The following PLCB1 variants were observed in gnomAD, a reference collection of about 807,000 sequenced individuals.
The protein encoded by PLCB1 is phospholipase C beta 1.
PLCB1 carries 46 observed loss-of-function variants against 161.8 expected under a neutral mutation model. The ratio of observed to expected loss-of-function variants is 0.28; its 90% CI spans 0.22 to 0.36. The LOEUF is 0.36. Among genes scored for constraint, PLCB1 ranks in the 10% least tolerant of loss-of-function variants. PLCB1 has a pLI of 1.00. For missense variants in PLCB1, 1,016 were observed against 1,472.5 expected, an observed-to-expected ratio of 0.69 and a Z score of 5.07; for synonymous variants, 517 against 503.7, an observed-to-expected ratio of 1.03 and a Z score of -0.35.
rs1294205744 is a variant in PLCB1 at position 8,491,640 on chromosome 20, G to A, written c.246+120190G>A. Among the ~76,000 whole-genome samples, 5 of 152,222 alleles carry A rather than the reference G, an allele frequency of 3.3e-5. 1 individual carries two copies. In the South Asian group the frequency reaches 8.3e-4, roughly 25 times the overall value. On this transcript the variant is annotated intron_variant, in intron 3 of 31. Coordinates refer to ENST00000338037, the MANE Select transcript of PLCB1 (RefSeq NM_015192.4). ...TCAGTACTCAAGTGAATACTCACTG[G>A]GATCCTGTACAGATCTTCAGAGTTA...
chr20:8,320,956 AAAG>A (rs1400960498), intron 2 of PLCB1, among the ~76,000 whole-genome samples: 2 of 151,614 alleles, frequency 1.3e-5, no homozygotes, highest in Admixed American at 1.3e-4. Context: ...GAAGGAAGGA[AAAG>A]AAAGAAAGGG....
At chr20:8,851,498 C>T (rs1044591935) in intron 31 of PLCB1, among the ~76,000 whole-genome samples, 2 of 152,138 alleles carry the variant, frequency 1.3e-5, no homozygotes, top group African/African-American at 4.8e-5. Flanking sequence ...TTCGAAGTGC[C>T]TTATCCTGTA....
intron 3 of PLCB1, among the ~76,000 whole-genome samples, chr20:8,622,718 G>A (rs1242048297): frequency 6.6e-6 from 1 of 151,678 alleles, no homozygotes; most frequent in Admixed American, 6.6e-5. Context: ...ACTCCTCACT[G>A]TGCTTTCTGC....
chr20:8,407,480 G>A (rs1978835540), intron 3 of PLCB1, among the ~76,000 whole-genome samples: 2 of 152,140 alleles, frequency 1.3e-5, no homozygotes. Flanking sequence ...TTATGCAGGA[G>A]GCAAAAGGAA....
intron 2 of PLCB1, among the ~76,000 whole-genome samples, chr20:8,245,321 C>T (rs1344808217): frequency 6.6e-6 from 1 of 151,756 alleles, no homozygotes; most frequent in African/African-American, 2.4e-5. Context: ...TATGTGTACA[C>T]CCACACATAC....
At chr20:8,286,063 G>A (rs1222635856) in intron 2 of PLCB1, among the ~76,000 whole-genome samples, 1 of 152,290 alleles carries the variant, frequency 6.6e-6, no homozygotes, top group South Asian at 2.1e-4. Context: ...AGTGGCTCAT[G>A]CCTGTGATCC....
At chr20:8,442,388 G>A (rs1291282259) in intron 3 of PLCB1, among the ~76,000 whole-genome samples, 1 of 152,142 alleles carries the variant, frequency 6.6e-6, no homozygotes, top group African/African-American at 2.4e-5. Context: ...GGTGGGATGT[G>A]GGCTCAAACC....
chr20:8,815,661 C>G (rs1985052061), intron 31 of PLCB1, among the ~76,000 whole-genome samples: 2 of 152,150 alleles, frequency 1.3e-5, no homozygotes, highest in African/African-American at 4.8e-5. Context: ...TACTCCCGAC[C>G]TCAAACCCGA....
intron 2 of PLCB1, among the ~76,000 whole-genome samples, chr20:8,230,218 A>G (rs1979954808): frequency 6.6e-6 from 1 of 152,258 alleles, no homozygotes; most frequent in South Asian, 2.1e-4. Context: ...AGGACAATCT[A>G]AAGTCCAAAT....
In PLCB1 at chr20:8,735,499, T is replaced by C. The variant is rs79826699; in HGVS notation, c.2044-1529T>C. 6.5e-3 allele frequency among the ~76,000 whole-genome samples: 983 copies of C among 152,302 alleles called. 9 individuals are homozygous for C. Among genetic ancestry groups the C allele is most frequent in the African/African-American group, 0.022 (912 of 41,560 alleles). On this transcript the variant is annotated intron_variant, in intron 19 of 31. Transcript: ENST00000338037. ...AGAGCCAAGATACAGATCATAACTT[T>C]CCAATTATGCCTTTGTTTTCATCTT... is the stretch of plus-strand genomic sequence containing the variant.
Position 8,136,494 on chromosome 20 carries a change from C to T in PLCB1, c.99+3744C>T, listed in dbSNP as rs567093881. ...ACAAAAAATTAGCCGGGCGTGGTGG[C>T]GGGCGCCTGTAGTCCCAGCTGCTCG... On this transcript the variant is annotated intron_variant, in intron 1 of 31. Coordinates refer to ENST00000338037, the MANE Select transcript of PLCB1 (RefSeq NM_015192.4). 3.1e-3 allele frequency among the ~76,000 whole-genome samples: 475 copies of T among 151,972 alleles called. 2 individuals carry two copies. The highest frequency in any genetic ancestry group is 7.2e-3 in the African/African-American group (297 of 41,438).
intron 31 of PLCB1, among the ~76,000 whole-genome samples, chr20:8,871,532 T>C (rs1031029420): frequency 5.9e-5 from 9 of 152,218 alleles, no homozygotes; most frequent in African/African-American, 2.2e-4. Flanking sequence ...GTGGCACTCA[T>C]TCAGTCCAAT....
At chr20:8,275,248 T>TCA (rs1555794522) in intron 2 of PLCB1, among the ~76,000 whole-genome samples, 15 of 118,220 alleles carry the variant, frequency 1.3e-4, no homozygotes, top group African/African-American at 4.8e-4. Flanking sequence ...TGCATCAGCG[T>TCA]GAGTGTGTGT....
rs371499786 is a variant in PLCB1 at position 8,150,311 on chromosome 20, T to C, written c.117T>C (p.Thr39=). The C allele has an allele frequency of 1.3e-5, 20 of 1,528,050 alleles. No homozygotes were observed. Among genetic ancestry groups the C allele is most frequent in the Non-Finnish European group, 1.8e-5 (20 of 1,108,812 alleles). The allele number at this position is 1,528,050 out of a possible 1,614,324, so 94.7% of individuals were successfully genotyped here. Residue 39 remains threonine (T), a synonymous_variant, in exon 2 of 32, where the codon ACT becomes ACC. Coordinates refer to ENST00000338037, the MANE Select transcript of PLCB1 (RefSeq NM_015192.4). ...ATTTCTAGGACTCAACTATTGTTAC[T>C]CCAATTATTTTGAGGACTGACCCTC... is the stretch of plus-strand genomic sequence containing the variant. ...VKWDDDSTIV[T]PIILRTDPQG...
intron 3 of PLCB1, among the ~76,000 whole-genome samples, chr20:8,443,436 A>C (rs1980662670): frequency 6.6e-6 from 1 of 152,232 alleles, no homozygotes; most frequent in South Asian, 2.1e-4. Context: ...ATGCTATTCA[A>C]TATCAAGTTA....
rs1299881295 is a variant in PLCB1, at chr20:8,884,614, G to A, written c.*2765G>A. 6.6e-6 allele frequency: 1 copy of A among 152,530 alleles called. No homozygotes were observed. The highest frequency in any genetic ancestry group is 1.5e-5 in the Non-Finnish European group (1 of 68,024). 9.4% of individuals were successfully genotyped at this position (152,530 alleles called of 1,614,324 possible). A position where few individuals can be genotyped will look rare whatever the true frequency, so the allele number is the denominator to read the frequency against. On this transcript the variant is annotated 3_prime_UTR_variant, in exon 32 of 32. Coordinates refer to ENST00000338037, the MANE Select transcript of PLCB1 (RefSeq NM_015192.4). ...TTCCCAAAAAAAGGGCCATTTGCTTGCATTACTTTGAATTTAATGTTGCGC... is the reference window on the plus strand; with the variant it reads ...TTCCCAAAAAAAGGGCCATTTGCTTACATTACTTTGAATTTAATGTTGCGC...
intron 18 of PLCB1, chr20:8,732,118 A>G (rs1003863101): frequency 2.0e-5 from 3 of 152,058 alleles, no homozygotes; most frequent in African/African-American, 7.2e-5. Flanking sequence ...GAAAATTTTG[A>G]CCAGTAACCT....
intron 2 of PLCB1, among the ~76,000 whole-genome samples, chr20:8,315,923 T>C (rs1984626231): frequency 6.6e-6 from 1 of 152,210 alleles, no homozygotes; most frequent in Non-Finnish European, 1.5e-5. Flanking sequence ...CCATATTGAT[T>C]GGAGTTTTCA....
Position 8,750,959 on chromosome 20 carries a change from G to A in PLCB1, c.2524-6087G>A, listed in dbSNP as rs192840865. The A allele has an allele frequency of 2.0e-3, 1,326 of 676,464 alleles. 3 individuals are homozygous for A. The highest frequency in any genetic ancestry group is 2.5e-3 in the Non-Finnish European group (1,157 of 467,786). 41.9% of individuals were successfully genotyped at this position (676,464 alleles called of 1,614,324 possible). On this transcript the variant is annotated intron_variant, in intron 23 of 31. Transcript: ENST00000338037. Reference sequence around the variant, plus strand: ...TTTTTTTTTTTTTTTTTTTTGAGACGGAGTCTTGCTCAGTTGCCCAGGCTG... The same window carrying A: ...TTTTTTTTTTTTTTTTTTTTGAGACAGAGTCTTGCTCAGTTGCCCAGGCTG...
Sources: gnomAD v4.1 joint callset for allele counts (sites outside exome capture counted in the v4.1 genomes callset) on GRCh38, gnomAD v4.1.1 for gene constraint, MANE v1.5 for transcripts, NCBI Gene and HGNC (gene_info 2026-07-23, HGNC 2026-07-21) for gene names.